DENND5B: variants seen among roughly 807,000 people sequenced by gnomAD.
DENND5B encodes DENN domain containing 5B.
DENND5B carries 34 observed loss-of-function variants against 140.6 expected under a neutral mutation model. The ratio of observed to expected loss-of-function variants is 0.24; its 90% CI spans 0.18 to 0.32. The LOEUF (loss-of-function observed/expected upper bound fraction) is 0.32. Ranked by LOEUF, DENND5B falls within the 10% of genes least tolerant of loss-of-function variation. The pLI is 1.00. For synonymous variants in DENND5B, 551 were observed against 562.1 expected (o/e 0.98, Z 0.28); for missense variants, 1,142 against 1,560.2 (o/e 0.73, Z 4.52).
rs747381898 is a variant in DENND5B, at chr12:31,495,938, A to G, written c.128-19T>C. 5 of 1,536,050 alleles carry G rather than the reference A, an allele frequency of 3.3e-6. No homozygotes were observed. The highest frequency in any genetic ancestry group is 4.5e-6 in the Non-Finnish European group (5 of 1,123,550). On this transcript the variant is annotated intron_variant, in intron 1 of 20. Coordinates refer to ENST00000389082, the MANE Select transcript of DENND5B (RefSeq NM_144973.4). ...TTTTCGCCTACAACAAATAATACATAGTTAATATCTAGAACTTTTCCAAAA... is the reference window on the plus strand; with the variant it reads ...TTTTCGCCTACAACAAATAATACATGGTTAATATCTAGAACTTTTCCAAAA...
chr12:31,511,954 C>T (rs1204082625), intron 1 of DENND5B, among the ~76,000 whole-genome samples: 11 of 110,088 alleles, frequency 1.0e-4, no homozygotes, highest in South Asian at 6.4e-4. Flanking sequence ...GACGGAGTCT[C>T]GCTCTATTGC....
intron 16 of DENND5B, 128 bp from the exon 17 acceptor site, chr12:31,398,490 A>C: frequency 1.2e-6 from 1 of 847,820 alleles, no homozygotes; most frequent in African/African-American, 1.7e-5. Flanking sequence ...TTTTTTATAG[A>C]GAGGTCTCAT....
intron 1 of DENND5B, among the ~76,000 whole-genome samples, chr12:31,568,074 C>G (rs529289542): frequency 4.6e-5 from 7 of 152,240 alleles, no homozygotes; most frequent in African/African-American, 1.7e-4. Context: ...GGTTGAGCAT[C>G]CCTAATCCAG....
intron 1 of DENND5B, among the ~76,000 whole-genome samples, chr12:31,543,344 T>C (rs894187338): frequency 3.3e-5 from 5 of 152,232 alleles, no homozygotes; most frequent in Non-Finnish European, 5.9e-5. Context: ...TCCAAGTCAT[T>C]AGCTTGCTTC....
intron 1 of DENND5B, among the ~76,000 whole-genome samples, chr12:31,535,427 CAT>C (rs909928857): frequency 5.9e-5 from 9 of 151,790 alleles, no homozygotes; most frequent in African/African-American, 2.2e-4. Flanking sequence ...CACACACACA[CAT>C]ATATACACAT....
At chr12:31,532,343 G>A (rs911880048) in intron 1 of DENND5B, among the ~76,000 whole-genome samples, 1 of 152,186 alleles carries the variant, frequency 6.6e-6, no homozygotes, top group African/African-American at 2.4e-5. Context: ...AAAGATACAG[G>A]AAGAGAGGGG....
At chr12:31,574,698 A>T (rs1447248915) in intron 1 of DENND5B, among the ~76,000 whole-genome samples, 1 of 152,218 alleles carries the variant, frequency 6.6e-6, no homozygotes, top group African/African-American at 2.4e-5. Context: ...CCATACACTC[A>T]ATACTTTAAT....
chr12:31,432,161 G>A (rs1943538308), intron 8 of DENND5B: 3 of 982,756 alleles, frequency 3.1e-6, no homozygotes, highest in South Asian at 9.4e-5. Context: ...AGGCTAAGAG[G>A]ATGGAGAAAT....
chr12:31,384,830 A>C lies in DENND5B; in HGVS notation c.*2773T>G, dbSNP rs1940780105. ...CACCCAGGTTGGAGTGCAGTGGCACAATCTCGGCTCACTGCAACCTCCACC... is the reference window on the plus strand; with the variant it reads ...CACCCAGGTTGGAGTGCAGTGGCACCATCTCGGCTCACTGCAACCTCCACC... On this transcript the variant is annotated 3_prime_UTR_variant, in exon 21 of 21. Transcript: ENST00000389082. 1 of 151,248 alleles carries C rather than the reference A, an allele frequency of 6.6e-6. No homozygotes were observed. The highest frequency in any genetic ancestry group is 2.1e-4 in the South Asian group (1 of 4,776). The allele number at this position is 151,248 out of a possible 1,614,324, so 9.4% of individuals were successfully genotyped here.
intron 1 of DENND5B, among the ~76,000 whole-genome samples, chr12:31,581,840 T>C (rs905660101): frequency 3.3e-5 from 5 of 152,132 alleles, no homozygotes; most frequent in African/African-American, 1.2e-4. Context: ...TGGGATTGGT[T>C]CCAAGACTCC....
At chr12:31,476,721 A>G (rs1405802351) in intron 3 of DENND5B, among the ~76,000 whole-genome samples, 1 of 152,146 alleles carries the variant, frequency 6.6e-6, no homozygotes, top group Admixed American at 6.6e-5. Context: ...TTGAGGCTGC[A>G]GTGTGCTAAG....
chr12:31,523,607 C>CA (rs201384267), intron 1 of DENND5B, among the ~76,000 whole-genome samples: 4,646 of 139,344 alleles, frequency 0.033, 93 homozygotes, highest in South Asian at 0.11. Flanking sequence ...TGCTTTTCCT[C>CA]AAAAAAAAAA....
intron 1 of DENND5B, among the ~76,000 whole-genome samples, chr12:31,539,464 T>C (rs1385606855): frequency 6.6e-6 from 1 of 152,120 alleles, no homozygotes; most frequent in African/African-American, 2.4e-5. Flanking sequence ...TGAAAATTGA[T>C]GCAAAAATCC....
At chr12:31,401,039 C>T (rs1323785089) in intron 15 of DENND5B, among the ~76,000 whole-genome samples, 1 of 151,928 alleles carries the variant, frequency 6.6e-6, no homozygotes, top group Non-Finnish European at 1.5e-5. Flanking sequence ...GAGGGGGTTT[C>T]TTCATTTTGG....
intron 4 of DENND5B, among the ~76,000 whole-genome samples, chr12:31,455,436 T>C (rs1427442881): frequency 6.6e-6 from 1 of 152,206 alleles, no homozygotes; most frequent in Non-Finnish European, 1.5e-5. Flanking sequence ...AAGCTGGGGC[T>C]TTGATTATCT....
At chr12:31,590,629 ACCCCGCCTC>A in intron 1 of DENND5B, 68 bp downstream of exon 1, 1 of 1,364,620 alleles carries the variant, frequency 7.3e-7, no homozygotes, top group Non-Finnish European at 9.4e-7. Flanking sequence ...TGGAGCCTGC[ACCCCGCCTC>A]CCGCGCGTCC....
At chr12:31,551,792 T>G (rs907826920) in intron 1 of DENND5B, among the ~76,000 whole-genome samples, 10 of 152,340 alleles carry the variant, frequency 6.6e-5, no homozygotes, top group African/African-American at 2.2e-4. Context: ...CCCTTGTAAG[T>G]TGGATTCCTA....
At chr12:31,418,444 A>C (rs1386456869) in intron 11 of DENND5B, among the ~76,000 whole-genome samples, 4 of 150,936 alleles carry the variant, frequency 2.7e-5, no homozygotes, top group African/African-American at 9.7e-5. Context: ...ACACCTGGCT[A>C]ATTTTTGTGT....
chr12:31,520,978 T>C (rs898342879), intron 1 of DENND5B, among the ~76,000 whole-genome samples: 1 of 152,180 alleles, frequency 6.6e-6, no homozygotes, highest in Non-Finnish European at 1.5e-5. Flanking sequence ...ATCTTTGAAA[T>C]CCAGTGAGTA....
Sources: allele counts gnomAD v4.1 joint callset (sites outside exome capture counted in the v4.1 genomes callset), GRCh38; gene constraint gnomAD v4.1.1; transcripts MANE v1.5; gene names NCBI Gene and HGNC (gene_info 2026-07-23, HGNC 2026-07-21).